The following BAALC variants were observed in gnomAD, a reference collection of about 807,000 sequenced individuals.
BAALC encodes brain and acute leukemia cytoplasmic protein.
BAALC carries 9 observed loss-of-function variants against 15.5 expected under a neutral mutation model. That is an observed-to-expected ratio of 0.58 (90% CI 0.35 to 1.02). BAALC has a LOEUF of 1.02. Among genes scored for constraint, BAALC ranks in the 50% least tolerant of loss-of-function variants. BAALC has a pLI of 0.02. For missense variants in BAALC, 201 were observed against 192.4 expected, an observed-to-expected ratio of 1.04 and a Z score of -0.27; for synonymous variants, 80 against 74.6, an observed-to-expected ratio of 1.07 and a Z score of -0.37.
intron 2 of BAALC, 77 bp from the exon 3 acceptor site, chr8:103,227,912 T>C (rs914870517): frequency 3.1e-6 from 3 of 980,536 alleles, no homozygotes; most frequent in African/African-American, 1.6e-5. Context: ...AACCTCTAAA[T>C]TGATTGAGAC....
At chr8:103,188,961 C>T (rs373468251) in intron 1 of BAALC, among the ~76,000 whole-genome samples, 14 of 152,248 alleles carry the variant, frequency 9.2e-5, no homozygotes, top group African/African-American at 2.9e-4. Flanking sequence ...TTCCATTAGA[C>T]TTCAAAGTGC....
chr8:103,200,691 C>T (rs1238145186), intron 1 of BAALC: 2 of 699,788 alleles, frequency 2.9e-6, no homozygotes, highest in Admixed American at 4.0e-5. Context: ...ATCAAGGCAC[C>T]AACAGATTCA....
rs145212154 is a variant in BAALC, at chr8:103,221,921, G to C, written c.328-6068G>C. Among the ~76,000 whole-genome samples the C allele has an allele frequency of 8.7e-3, 1,321 of 152,262 alleles. 16 individuals are homozygous for C. The highest frequency in any genetic ancestry group is 0.03 in the African/African-American group (1,259 of 41,534). ...ATGTGCCCAAGGTGGTTGGGGCACAGCTTGGTTTTATATATTTTAGGGAGG... is the reference window on the plus strand; with the variant it reads ...ATGTGCCCAAGGTGGTTGGGGCACACCTTGGTTTTATATATTTTAGGGAGG... On this transcript the variant is annotated intron_variant, in intron 2 of 2. Coordinates refer to ENST00000309982, the MANE Select transcript of BAALC (RefSeq NM_024812.3).
intron 1 of BAALC, among the ~76,000 whole-genome samples, chr8:103,176,170 G>T (rs538671280): frequency 6.6e-6 from 1 of 152,052 alleles, no homozygotes; most frequent in Non-Finnish European, 1.5e-5. Context: ...TATTTAGGGG[G>T]GCATGAAAAA....
At chr8:103,164,513 A>C (rs971671742) in intron 1 of BAALC, among the ~76,000 whole-genome samples, 1 of 152,190 alleles carries the variant, frequency 6.6e-6, no homozygotes, top group African/African-American at 2.4e-5. Context: ...CTTGTGCCCA[A>C]TAATATTTCA....
At chr8:103,146,329 G>C (rs1235591675) in intron 1 of BAALC, among the ~76,000 whole-genome samples, 1 of 152,180 alleles carries the variant, frequency 6.6e-6, no homozygotes, top group South Asian at 2.1e-4. Context: ...CCATCCCCGA[G>C]AGTGAGAGCA....
chr8:103,207,452 A>G (rs568012953), intron 1 of BAALC, among the ~76,000 whole-genome samples: 19 of 152,354 alleles, frequency 1.2e-4, no homozygotes, highest in African/African-American at 4.6e-4. Flanking sequence ...AATTATGGGA[A>G]GGCAGATAGA....
At chr8:103,175,536 C>T (rs926761701) in intron 1 of BAALC, among the ~76,000 whole-genome samples, 4 of 152,144 alleles carry the variant, frequency 2.6e-5, no homozygotes, top group Non-Finnish European at 4.4e-5. Context: ...GTCACCACCC[C>T]CAAGCAAATA....
At chr8:103,180,874 C>G (rs570203096) in intron 1 of BAALC, among the ~76,000 whole-genome samples, 3 of 152,322 alleles carry the variant, frequency 2.0e-5, no homozygotes, top group Admixed American at 2.0e-4. Flanking sequence ...GACCAAATAT[C>G]TATGTAATGG....
intron 1 of BAALC, among the ~76,000 whole-genome samples, chr8:103,184,179 A>G (rs1811786319): frequency 6.6e-6 from 1 of 152,106 alleles, no homozygotes; most frequent in Admixed American, 6.5e-5. Flanking sequence ...TTTTACCTTT[A>G]AGGACTTTGG....
chr8:103,220,080 C>G (rs1812644346), intron 2 of BAALC, among the ~76,000 whole-genome samples: 1 of 152,176 alleles, frequency 6.6e-6, no homozygotes, highest in South Asian at 2.1e-4. Flanking sequence ...TGTTCAAATT[C>G]AAACCCAGGT....
chr8:103,193,245 G>A (rs531787505), intron 1 of BAALC, among the ~76,000 whole-genome samples: 1 of 152,350 alleles, frequency 6.6e-6, no homozygotes, highest in African/African-American at 2.4e-5. Flanking sequence ...GACCCTGATA[G>A]AGCAGCAATC....
At chr8:103,158,685 A>AATACATACATAC (rs76527054) in intron 1 of BAALC, among the ~76,000 whole-genome samples, 8 of 150,664 alleles carry the variant, frequency 5.3e-5, no homozygotes, top group Admixed American at 1.3e-4. Flanking sequence ...CAATACATAC[A>AATACATACATAC]ATACATACAT....
intron 1 of BAALC, among the ~76,000 whole-genome samples, chr8:103,172,560 A>G (rs1334957474): frequency 2.6e-5 from 4 of 151,392 alleles, no homozygotes; most frequent in Admixed American, 2.0e-4. Flanking sequence ...CACCACCATG[A>G]CTGGCTAATT....
At chr8:103,141,734 C>T (rs1810783315) in intron 1 of BAALC, among the ~76,000 whole-genome samples, 1 of 152,188 alleles carries the variant, frequency 6.6e-6, no homozygotes, top group Non-Finnish European at 1.5e-5. Flanking sequence ...CTATGGTGTC[C>T]CAATGCTTTG....
chr8:103,149,641 A>T (rs890440344), intron 1 of BAALC, among the ~76,000 whole-genome samples: 2 of 152,190 alleles, frequency 1.3e-5, no homozygotes, highest in African/African-American at 4.8e-5. Flanking sequence ...GGAAGCTCAA[A>T]AACCAAGAAA....
At chr8:103,143,000 C>G (rs996716528) in intron 1 of BAALC, among the ~76,000 whole-genome samples, 1 of 152,170 alleles carries the variant, frequency 6.6e-6, no homozygotes, top group African/African-American at 2.4e-5. Flanking sequence ...ATTGGCAAGA[C>G]GCTTGTATGG....
intron 1 of BAALC, among the ~76,000 whole-genome samples, chr8:103,167,450 T>G (rs1811374282): frequency 6.6e-6 from 1 of 152,190 alleles, no homozygotes; most frequent in Non-Finnish European, 1.5e-5. Flanking sequence ...TTTCACATGA[T>G]TTAATGTTAA....
At chr8:103,205,544 A>C (rs756470671) in intron 1 of BAALC, among the ~76,000 whole-genome samples, 14 of 152,154 alleles carry the variant, frequency 9.2e-5, no homozygotes, top group Non-Finnish European at 1.8e-4. Flanking sequence ...TAGATGATAG[A>C]TAGATAGATA....
Sources: gnomAD v4.1 joint callset for allele counts (sites outside exome capture counted in the v4.1 genomes callset) on GRCh38, gnomAD v4.1.1 for gene constraint, MANE v1.5 for transcripts, NCBI Gene and HGNC (gene_info 2026-07-23, HGNC 2026-07-21) for gene names.